CDH12: variants seen among roughly 807,000 people sequenced by gnomAD.
CDH12 encodes cadherin 12, also known as cadherin-12.
Under a neutral mutation model 74.1 loss-of-function variants are expected in CDH12, and 41 were observed. That is an observed-to-expected ratio of 0.55 (90% CI 0.43 to 0.72). CDH12 has a LOEUF of 0.72. Among genes scored for constraint, CDH12 ranks in the 30% least tolerant of loss-of-function variants. The pLI is 0.00. For synonymous variants in CDH12, 399 were observed against 355.0 expected, an observed-to-expected ratio of 1.12 and a Z score of -1.39; for missense variants, 945 against 977.2, an observed-to-expected ratio of 0.97 and a Z score of 0.44.
intron 1 of CDH12, among the ~76,000 whole-genome samples, chr5:22,789,766 G>A (rs1037913589): frequency 4.1e-4 from 63 of 151,922 alleles, no homozygotes; most frequent in African/African-American, 1.2e-3. Flanking sequence ...AGGAAGTTTG[G>A]TTGGTTCAGT....
chr5:22,338,136 T>A (rs1481644049), intron 3 of CDH12, among the ~76,000 whole-genome samples: 3 of 152,240 alleles, frequency 2.0e-5, no homozygotes, highest in African/African-American at 7.2e-5. Context: ...TATAGCATAC[T>A]GTTCCTTATA....
chr5:22,097,068 G>T lies in CDH12; in HGVS notation c.-186-18206C>A, dbSNP rs184402285. On this transcript the variant is annotated intron_variant, in intron 4 of 14. Transcript: ENST00000382254. The stretch of plus-strand genomic sequence containing the variant: ...CACAAGGACTCCAAATGCCTGAACC[G>T]CAGCTGCCAGAGTTTCCTCCAGAAC... Among the ~76,000 whole-genome samples the T allele has an allele frequency of 2.5e-3, 386 of 152,224 alleles. 5 individuals carry two copies. The highest frequency in any genetic ancestry group is 8.7e-3 in the African/African-American group (362 of 41,506).
chr5:21,947,482 C>G (rs1170835658), intron 6 of CDH12, among the ~76,000 whole-genome samples: 1 of 152,236 alleles, frequency 6.6e-6, no homozygotes, highest in East Asian at 1.9e-4. Flanking sequence ...CCAAAGATCA[C>G]TCTTACTCTG....
At position 22,387,180 on chromosome 5, in the gene CDH12, C is replaced by T. The variant is rs180851368; in HGVS notation, c.-333+18077G>A. ...CCAAAATGTTTATAAACTCTTTGAA[C>T]TTCTAACATACTATTATTTTGAGCA... is the stretch of plus-strand genomic sequence containing the variant. On this transcript the variant is annotated intron_variant, in intron 3 of 14. Transcript: ENST00000382254. Among the ~76,000 whole-genome samples, 588 of 151,856 alleles carry T rather than the reference C, an allele frequency of 3.9e-3. 7 individuals are homozygous for T. In the Middle Eastern group the frequency reaches 0.051, roughly 13 times the overall value.
At chr5:22,343,686 G>T (rs987504127) in intron 3 of CDH12, among the ~76,000 whole-genome samples, 2 of 152,260 alleles carry the variant, frequency 1.3e-5, no homozygotes, top group Admixed American at 1.3e-4. Flanking sequence ...CCAAAGTGCT[G>T]GGATTACAGG....
chr5:21,991,848 G>A (rs1300478590), intron 5 of CDH12, among the ~76,000 whole-genome samples: 1 of 151,740 alleles, frequency 6.6e-6, no homozygotes, highest in Non-Finnish European at 1.5e-5. Flanking sequence ...TGCATTATGA[G>A]TCAAGTTTTT....
intron 6 of CDH12, among the ~76,000 whole-genome samples, chr5:21,956,960 G>T (rs905554676): frequency 6.6e-6 from 1 of 151,682 alleles, no homozygotes; most frequent in Non-Finnish European, 1.5e-5. Flanking sequence ...GTGAAAGTTT[G>T]TTATATAGGT....
chr5:22,335,698 T>C (rs536105645), intron 3 of CDH12, among the ~76,000 whole-genome samples: 7 of 152,304 alleles, frequency 4.6e-5, no homozygotes, highest in African/African-American at 1.7e-4. Context: ...TTCCACCATG[T>C]TTGTGAGGCC....
At chr5:22,449,366 C>T (rs1744953720) in intron 2 of CDH12, among the ~76,000 whole-genome samples, 1 of 151,964 alleles carries the variant, frequency 6.6e-6, no homozygotes, top group Admixed American at 6.6e-5. Context: ...CCATTAACTC[C>T]CTTGACAAAA....
intron 1 of CDH12, among the ~76,000 whole-genome samples, chr5:22,744,233 T>G (rs1745180798): frequency 1.3e-5 from 2 of 151,884 alleles, no homozygotes; most frequent in Non-Finnish European, 2.9e-5. Context: ...ATCAAGACCA[T>G]CCTGGCTAAC....
intron 3 of CDH12, among the ~76,000 whole-genome samples, chr5:22,344,289 C>T (rs1335012246): frequency 2.6e-5 from 4 of 152,094 alleles, no homozygotes; most frequent in Admixed American, 6.5e-5. Flanking sequence ...CATTATGTCA[C>T]GACCATATTT....
chr5:22,674,859 G>A (rs562844809), intron 1 of CDH12, among the ~76,000 whole-genome samples: 67 of 152,230 alleles, frequency 4.4e-4, no homozygotes, highest in African/African-American at 1.6e-3. Context: ...ACATGATTTA[G>A]GGTATCTGGC....
chr5:22,373,303 C>A (rs1441703400), intron 3 of CDH12, among the ~76,000 whole-genome samples: 1 of 152,196 alleles, frequency 6.6e-6, no homozygotes, highest in Non-Finnish European at 1.5e-5. Flanking sequence ...ACCTGCCCAG[C>A]CCATTGCAGC....
intron 1 of CDH12, among the ~76,000 whole-genome samples, chr5:22,812,578 C>A (rs1276407643): frequency 1.3e-5 from 2 of 151,874 alleles, no homozygotes; most frequent in Admixed American, 1.3e-4. Context: ...CTGAGTCTGA[C>A]AAGGAAAAAA....
At chr5:22,691,900 A>C (rs565020414) in intron 1 of CDH12, among the ~76,000 whole-genome samples, 5 of 152,336 alleles carry the variant, frequency 3.3e-5, no homozygotes, top group African/African-American at 1.2e-4. Context: ...GAGAAAAGGT[A>C]AGAGGAAAGA....
intron 3 of CDH12, among the ~76,000 whole-genome samples, chr5:22,331,871 G>A (rs186915267): frequency 1.1e-3 from 163 of 151,304 alleles, no homozygotes; most frequent in Middle Eastern, 3.4e-3. Context: ...CAAGTGACAC[G>A]CTGAAGAATG....
At chr5:22,368,077 T>C (rs962240647) in intron 3 of CDH12, among the ~76,000 whole-genome samples, 1 of 152,142 alleles carries the variant, frequency 6.6e-6, no homozygotes, top group Non-Finnish European at 1.5e-5. Context: ...TCTATATCTA[T>C]AGACATATGT....
In CDH12 at chr5:22,400,823, T is replaced by C. The variant is rs536711711; in HGVS notation, c.-333+4434A>G. Among the ~76,000 whole-genome samples the C allele has an allele frequency of 2.0e-5, 3 of 152,216 alleles. No homozygotes were observed. The East Asian group carries it at 5.8e-4, about 29-fold the overall frequency. On this transcript the variant is annotated intron_variant, in intron 3 of 14. Transcript: ENST00000382254. ...TAAATGTTAGTTGGCATGCTACATT[T>C]GTCCTTTCTTATTTGATCTGCTCCT... is the stretch of plus-strand genomic sequence containing the variant.
At chr5:22,029,392 C>A (rs1485106035) in intron 5 of CDH12, among the ~76,000 whole-genome samples, 1 of 151,946 alleles carries the variant, frequency 6.6e-6, no homozygotes, top group Non-Finnish European at 1.5e-5. Flanking sequence ...CCAGAATCTA[C>A]AATGAACTCA....
Sources: allele counts gnomAD v4.1 joint callset (sites outside exome capture counted in the v4.1 genomes callset), GRCh38; gene constraint gnomAD v4.1.1; transcripts MANE v1.5; gene names NCBI Gene and HGNC (gene_info 2026-07-23, HGNC 2026-07-21).